Variants in COL13A1 observed in about 807,000 individuals in gnomAD.
The protein encoded by COL13A1 is collagen alpha-1(XIII) chain.
In COL13A1, 89 loss-of-function variants were observed where a neutral mutation model predicts 130.9. That is an observed-to-expected ratio of 0.68 (90% CI 0.57 to 0.81). The LOEUF is 0.81. Among genes scored for constraint, COL13A1 ranks in the 30% least tolerant of loss-of-function variants. The pLI, the probability that COL13A1 is intolerant of heterozygous loss-of-function variation, is 0.00. For missense variants in COL13A1, 879 were observed against 934.6 expected (o/e 0.94, Z 0.78); for synonymous variants, 402 against 341.6 (o/e 1.18, Z -1.95).
chr10:69,862,709 G>A (rs1263839258), intron 2 of COL13A1, among the ~76,000 whole-genome samples: 2 of 152,170 alleles, frequency 1.3e-5, no homozygotes, highest in African/African-American at 2.4e-5. Flanking sequence ...ATGGTCCCGG[G>A]AGGCAGGCAG....
intron 14 of COL13A1, among the ~76,000 whole-genome samples, chr10:69,899,908 A>G (rs2062020512): frequency 6.6e-6 from 1 of 152,234 alleles, no homozygotes; most frequent in African/African-American, 2.4e-5. Context: ...CTCAGGAGTC[A>G]GGAGCCCAAG....
At chr10:69,947,422 A>G in intron 38 of COL13A1, 80 bp downstream of exon 38, 2 of 1,345,684 alleles carry the variant, frequency 1.5e-6, no homozygotes, top group South Asian at 2.6e-5. Flanking sequence ...GTGATTCCTG[A>G]CCAACATGGC....
At chr10:69,829,429 C>A (rs1848278760) in intron 2 of COL13A1, among the ~76,000 whole-genome samples, 1 of 152,272 alleles carries the variant, frequency 6.6e-6, no homozygotes, top group Non-Finnish European at 1.5e-5. Flanking sequence ...GCATTCCCAG[C>A]AGGCCCCCTG....
intron 2 of COL13A1, among the ~76,000 whole-genome samples, chr10:69,863,064 C>G (rs776995860): frequency 5.9e-5 from 9 of 152,154 alleles, no homozygotes; most frequent in Admixed American, 3.3e-4. Context: ...GGGACTGAGG[C>G]ACGGGAGGAG....
At chr10:69,944,200 G>A in intron 36 of COL13A1, 22 bp downstream of exon 36, 6 of 1,611,246 alleles carry the variant, frequency 3.7e-6, no homozygotes, top group Non-Finnish European at 5.1e-6. Context: ...TGAGCCAGGG[G>A]CCTGGGCGGC....
chr10:69,940,266 T>C (rs2067446993), intron 34 of COL13A1, among the ~76,000 whole-genome samples: 1 of 152,162 alleles, frequency 6.6e-6, no homozygotes, highest in African/African-American at 2.4e-5. Flanking sequence ...CTTAGACCTC[T>C]GTCCCAGGCC....
chr10:69,855,724 C>T (rs1428941924), intron 2 of COL13A1, among the ~76,000 whole-genome samples: 2 of 151,794 alleles, frequency 1.3e-5, no homozygotes, highest in South Asian at 2.1e-4. Context: ...ATCCTGGGGC[C>T]GGGGACTTAT....
chr10:69,818,131 G>T (rs972306741), intron 1 of COL13A1, among the ~76,000 whole-genome samples: 1 of 151,990 alleles, frequency 6.6e-6, no homozygotes, highest in Non-Finnish European at 1.5e-5. Flanking sequence ...CCACAAACTC[G>T]CCATCTTCCC....
intron 2 of COL13A1, among the ~76,000 whole-genome samples, chr10:69,831,002 C>T (rs1175275085): frequency 6.6e-6 from 1 of 152,190 alleles, no homozygotes; most frequent in Non-Finnish European, 1.5e-5. Flanking sequence ...TAGCATGTAT[C>T]AGTACTTCAT....
At chr10:69,894,476 A>T in intron 10 of COL13A1, 76 bp from the exon 11 acceptor site, 8 of 1,578,422 alleles carry the variant, frequency 5.1e-6, no homozygotes, top group Non-Finnish European at 6.9e-6. Flanking sequence ...TTCAGCCCCA[A>T]TCCCCACCCA....
In COL13A1 at chr10:69,958,748, A is replaced by G. The variant is rs770401920; in HGVS notation, c.*47A>G. The stretch of plus-strand genomic sequence containing the variant: ...CTGTGTGTGTGTTTGTACATAGAAT[A>G]TTTATTTTTATACAGTTTTCACTTT... On this transcript the variant is annotated 3_prime_UTR_variant, in exon 41 of 41. Coordinates refer to ENST00000645393, the MANE Select transcript of COL13A1 (RefSeq NM_001368882.1). 1.2e-6 allele frequency: 2 copies of G among 1,611,010 alleles called. No homozygotes were observed. Among genetic ancestry groups the G allele is most frequent in the African/African-American group, 1.3e-5 (1 of 74,856 alleles).
chr10:69,947,236 T>A, intron 37 of COL13A1, 71 bp from the exon 38 acceptor site: 1 of 1,408,128 alleles, frequency 7.1e-7, no homozygotes, highest in Non-Finnish European at 1.0e-6. Flanking sequence ...TTGATGAGCC[T>A]GGAAGAAAGC....
At chr10:69,905,046 C>T (rs2062610866) in intron 16 of COL13A1, 87 bp downstream of exon 16, 2 of 1,451,538 alleles carry the variant, frequency 1.4e-6, no homozygotes, top group South Asian at 2.5e-5. Flanking sequence ...GTGACTGAGG[C>T]AGGAGCAGAG....
At chr10:69,871,789 T>C (rs2059097322) in intron 3 of COL13A1, among the ~76,000 whole-genome samples, 2 of 152,230 alleles carry the variant, frequency 1.3e-5, no homozygotes, top group African/African-American at 4.8e-5. Context: ...ATCATAGTAA[T>C]AGCTGCATTT....
chr10:69,875,715 G>T (rs2059507831), intron 5 of COL13A1, among the ~76,000 whole-genome samples: 1 of 152,264 alleles, frequency 6.6e-6, no homozygotes, highest in Non-Finnish European at 1.5e-5. Context: ...AGATAGAGAA[G>T]GGGAGATGAG....
chr10:69,927,914 C>G (rs1436112567), intron 27 of COL13A1, among the ~76,000 whole-genome samples: 1 of 152,204 alleles, frequency 6.6e-6, no homozygotes, highest in South Asian at 2.1e-4. Flanking sequence ...AATCCCAGCA[C>G]TTTGAGACAC....
At chr10:69,913,592 G>GCCCTCC (rs2063604095) in intron 17 of COL13A1, among the ~76,000 whole-genome samples, 1 of 152,042 alleles carries the variant, frequency 6.6e-6, no homozygotes, top group Admixed American at 6.5e-5. Context: ...CAATAACCAC[G>GCCCTCC]CCCTCCCCCT....
At chr10:69,814,243 CAGGGTCAAA>C (rs1225738096) in intron 1 of COL13A1, among the ~76,000 whole-genome samples, 1 of 152,230 alleles carries the variant, frequency 6.6e-6, no homozygotes, top group Non-Finnish European at 1.5e-5. Flanking sequence ...TCCTAGTTCT[CAGGGTCAAA>C]AGGCAGGGCT....
intron 37 of COL13A1, 76 bp downstream of exon 37, chr10:69,945,800 T>C (rs189400340): frequency 3.3e-4 from 505 of 1,543,114 alleles, no homozygotes; most frequent in Middle Eastern, 7.5e-4. Context: ...CGGCCGGGCA[T>C]GGTGGCTCAC....
Sources: gnomAD v4.1 joint callset for allele counts (sites outside exome capture counted in the v4.1 genomes callset) on GRCh38, gnomAD v4.1.1 for gene constraint, MANE v1.5 for transcripts, NCBI Gene and HGNC (gene_info 2026-07-23, HGNC 2026-07-21) for gene names.